TECPR2: variants seen among roughly 807,000 people sequenced by gnomAD.
TECPR2 encodes the protein tectonin beta-propeller repeat containing 2.
In TECPR2, 65 loss-of-function variants were observed where a neutral mutation model predicts 138.1. The observed-to-expected ratio is 0.47, with a 90% confidence interval of 0.39 to 0.58. The LOEUF (loss-of-function observed/expected upper bound fraction) is 0.58. Among genes scored for constraint, TECPR2 ranks in the 20% least tolerant of loss-of-function variants. The probability of loss-of-function intolerance (pLI) is 0.00; values close to 1 mark genes in which losing one functional copy is unlikely to be tolerated. For synonymous variants in TECPR2, 746 were observed against 749.8 expected (o/e 0.99, Z 0.08); for missense variants, 1,553 against 1,824.5 (o/e 0.85, Z 2.71).
intron 19 of TECPR2, 88 bp from the exon 20 acceptor site, chr14:102,498,015 A>T: frequency 1.2e-6 from 1 of 823,418 alleles, no homozygotes. Flanking sequence ...TGGCAAGCCC[A>T]GACCTGCGCC....
intron 2 of TECPR2, among the ~76,000 whole-genome samples, chr14:102,393,273 C>T (rs1888227071): frequency 6.6e-6 from 1 of 152,118 alleles, no homozygotes; most frequent in Non-Finnish European, 1.5e-5. Flanking sequence ...TCAGCATTGC[C>T]AGGTGTTTGG....
At chr14:102,436,315 TTTC>T (rs1269100207) in intron 9 of TECPR2, among the ~76,000 whole-genome samples, 6 of 146,664 alleles carry the variant, frequency 4.1e-5, no homozygotes, top group African/African-American at 7.8e-5. Flanking sequence ...TTCTTCTTTC[TTTC>T]TTTTTTTTTT....
intron 1 of TECPR2, among the ~76,000 whole-genome samples, chr14:102,370,836 G>A (rs1567312209): frequency 2.0e-5 from 3 of 152,182 alleles, no homozygotes; most frequent in African/African-American, 7.2e-5. Context: ...GACACACTGA[G>A]GTGTGTGGGA....
At chr14:102,366,602 C>G (rs921610034) in intron 1 of TECPR2, among the ~76,000 whole-genome samples, 1 of 152,214 alleles carries the variant, frequency 6.6e-6, no homozygotes, top group African/African-American at 2.4e-5. Context: ...CCACCTCGGC[C>G]TCCCAAAGTG....
chr14:102,438,297 C>T (rs919440472), intron 10 of TECPR2, 92 bp downstream of exon 10: 2 of 1,436,338 alleles, frequency 1.4e-6, no homozygotes, highest in Non-Finnish European at 1.8e-6. Flanking sequence ...GTACAGGGCT[C>T]CCCTGCAGCA....
intron 17 of TECPR2, among the ~76,000 whole-genome samples, chr14:102,470,639 C>CTT (rs200949179): frequency 1.4e-4 from 19 of 136,002 alleles, no homozygotes; most frequent in Admixed American, 7.4e-4. Flanking sequence ...TCTTCTTCTT[C>CTT]TTTTTTTTTT....
intron 16 of TECPR2, among the ~76,000 whole-genome samples, chr14:102,463,411 C>A (rs1182963065): frequency 8.8e-6 from 1 of 113,396 alleles, no homozygotes; most frequent in Non-Finnish European, 1.7e-5. Flanking sequence ...AGCGAGACTC[C>A]GTCTCAAAAA....
chr14:102,433,068 G>C (rs1221906608), intron 8 of TECPR2, among the ~76,000 whole-genome samples: 2 of 151,912 alleles, frequency 1.3e-5, no homozygotes, highest in East Asian at 3.9e-4. Flanking sequence ...GAGATTCTGT[G>C]AGCCTGGGTG....
At chr14:102,418,419 T>C (rs1363427081) in intron 5 of TECPR2, among the ~76,000 whole-genome samples, 2 of 152,142 alleles carry the variant, frequency 1.3e-5, no homozygotes, top group Non-Finnish European at 2.9e-5. Flanking sequence ...GGTGTCTCTT[T>C]AATAGGATGA....
intron 16 of TECPR2, 31 bp from the exon 17 acceptor site, chr14:102,465,110 T>C (rs1371007073): frequency 1.2e-5 from 19 of 1,608,336 alleles, no homozygotes; most frequent in Non-Finnish European, 1.4e-5. Context: ...ACAAAAGTAA[T>C]TATAGTGTGT....
chr14:102,468,903 A>T lies in TECPR2; in HGVS notation c.3789+3614A>T, dbSNP rs113640066. ...TAAATTATTTCAACACCCTTGTCAA[A>T]ATCAATTGATTGTAAATATAAAGGT... On this transcript the variant is annotated intron_variant, in intron 17 of 19. Coordinates refer to ENST00000359520, the MANE Select transcript of TECPR2 (RefSeq NM_014844.5). Among the ~76,000 whole-genome samples, 229 of 152,320 alleles carry T rather than the reference A, an allele frequency of 1.5e-3. 1 individual carries two copies. Among genetic ancestry groups the T allele is most frequent in the African/African-American group, 5.0e-3 (209 of 41,566 alleles).
At chr14:102,433,677 C>T (rs373662308) in intron 8 of TECPR2, among the ~76,000 whole-genome samples, 2 of 151,914 alleles carry the variant, frequency 1.3e-5, no homozygotes, top group Admixed American at 1.3e-4. Context: ...CCCACTACCA[C>T]GCCCAGCTAA....
At chr14:102,416,045 C>A (rs1219000910) in intron 5 of TECPR2, among the ~76,000 whole-genome samples, 1 of 152,214 alleles carries the variant, frequency 6.6e-6, no homozygotes, top group East Asian at 1.9e-4. Context: ...GCATGGCAGC[C>A]CTCCGGCTGT....
At chr14:102,416,166 G>T (rs988860143) in intron 5 of TECPR2, among the ~76,000 whole-genome samples, 1 of 152,098 alleles carries the variant, frequency 6.6e-6, no homozygotes, top group African/African-American at 2.4e-5. Flanking sequence ...TTCTTGCCCA[G>T]GCTGGAGTGC....
At chr14:102,369,765 C>A (rs892654907) in intron 1 of TECPR2, among the ~76,000 whole-genome samples, 8 of 151,912 alleles carry the variant, frequency 5.3e-5, no homozygotes, top group Middle Eastern at 3.4e-3. Flanking sequence ...CACGGTGAAA[C>A]CCCGTCTCTA....
At position 102,425,253 on chromosome 14, in the gene TECPR2, A is replaced by G. The variant is rs1262165769; in HGVS notation, c.913A>G (p.Asn305Asp). ...FFQEGWVLSW[N>D]EYSIYLLDTV... The stretch of plus-strand genomic sequence containing the variant: ...TCAAGAAGGCTGGGTGCTGAGTTGG[A>G]ATGAATATAGTATCTATCTCCTAGA... Residue 305 changes from asparagine to aspartate, a missense_variant, in exon 6 of 20, where the codon AAT (asparagine) becomes GAT (aspartate). Transcript: ENST00000359520. 1.2e-6 allele frequency: 2 copies of G among 1,611,720 alleles called. No homozygotes were observed. Among genetic ancestry groups the G allele is most frequent in the South Asian group, 1.1e-5 (1 of 90,768 alleles).
At chr14:102,469,649 C>T (rs1385063127) in intron 17 of TECPR2, among the ~76,000 whole-genome samples, 1 of 152,130 alleles carries the variant, frequency 6.6e-6, no homozygotes, top group Non-Finnish European at 1.5e-5. Flanking sequence ...TGTTTCTGAT[C>T]TTAAGGGGAA....
chr14:102,480,457 C>A (rs1890866131), intron 17 of TECPR2, among the ~76,000 whole-genome samples: 1 of 152,210 alleles, frequency 6.6e-6, no homozygotes, highest in Admixed American at 6.5e-5. Context: ...ATCTCCTGAC[C>A]TTGTGATCCG....
intron 2 of TECPR2, among the ~76,000 whole-genome samples, chr14:102,389,274 C>T (rs573975958): frequency 9.9e-5 from 15 of 152,116 alleles, no homozygotes; most frequent in East Asian, 7.7e-4. Flanking sequence ...TGCAGTGAGC[C>T]GAGATTATGG....
Sources: allele counts gnomAD v4.1 joint callset (sites outside exome capture counted in the v4.1 genomes callset), GRCh38; gene constraint gnomAD v4.1.1; transcripts MANE v1.5; gene names NCBI Gene and HGNC (gene_info 2026-07-23, HGNC 2026-07-21).